The following NRXN3 variants were observed in gnomAD, a reference collection of about 807,000 sequenced individuals.
NRXN3 encodes the protein neurexin 3, also known as neurexin III.
A neutral mutation model predicts 137.6 loss-of-function variants in NRXN3; 32 were observed. That is an observed-to-expected ratio of 0.23 (90% CI 0.18 to 0.31). NRXN3 has a LOEUF of 0.31. NRXN3 is among the 10% of genes least tolerant of loss of function. The pLI is 1.00. For missense variants in NRXN3, 1,574 were observed against 2,062.5 expected, an observed-to-expected ratio of 0.76 and a Z score of 4.59; for synonymous variants, 798 against 784.5, an observed-to-expected ratio of 1.02 and a Z score of -0.29.
intron 3 of NRXN3, among the ~76,000 whole-genome samples, chr14:78,286,524 G>T (rs530512456): frequency 2.0e-5 from 3 of 152,262 alleles, no homozygotes; most frequent in African/African-American, 7.2e-5. Context: ...TTGTCAGTTT[G>T]CTAGGCTAGG....
At chr14:78,623,779 G>C (rs2097428397) in intron 4 of NRXN3, among the ~76,000 whole-genome samples, 1 of 152,112 alleles carries the variant, frequency 6.6e-6, no homozygotes, top group South Asian at 2.1e-4. Context: ...TGTTGGTCAG[G>C]CTGGTCTAAA....
chr14:79,713,121 C>T (rs1399975244), intron 19 of NRXN3, among the ~76,000 whole-genome samples: 1 of 148,970 alleles, frequency 6.7e-6, no homozygotes, highest in Admixed American at 6.7e-5. Context: ...CAGCTGTTGA[C>T]ATCACAGTTT....
At chr14:78,279,271 C>A (rs1372774441) in intron 3 of NRXN3, among the ~76,000 whole-genome samples, 1 of 152,088 alleles carries the variant, frequency 6.6e-6, no homozygotes, top group Non-Finnish European at 1.5e-5. Flanking sequence ...AATAATTATG[C>A]ATTTCTCTTT....
intron 10 of NRXN3, among the ~76,000 whole-genome samples, chr14:78,904,207 A>G (rs1452130796): frequency 2.0e-5 from 3 of 151,926 alleles, no homozygotes; most frequent in African/African-American, 7.2e-5. Flanking sequence ...ACCAGGGGCA[A>G]TTTTTCTTCT....
At chr14:79,152,470 T>G (rs1323445535) in intron 15 of NRXN3, among the ~76,000 whole-genome samples, 1 of 152,024 alleles carries the variant, frequency 6.6e-6, no homozygotes, top group Non-Finnish European at 1.5e-5. Flanking sequence ...TATATTAGTC[T>G]GTTCTCACAC....
intron 4 of NRXN3, among the ~76,000 whole-genome samples, chr14:78,351,955 C>G (rs1042462861): frequency 6.6e-6 from 1 of 151,582 alleles, no homozygotes; most frequent in Non-Finnish European, 1.5e-5. Flanking sequence ...GGTGTGTTGG[C>G]GAGCACCTGT....
chr14:79,675,947 G>C (rs1353192364), intron 17 of NRXN3, among the ~76,000 whole-genome samples: 1 of 151,994 alleles, frequency 6.6e-6, no homozygotes, highest in Non-Finnish European at 1.5e-5. Context: ...ATTTTGATTA[G>C]CCACCCTAGC....
Position 78,273,312 on chromosome 14 carries a change from T to G in NRXN3, c.710-5333T>G, listed in dbSNP as rs993975703. 3.3e-5 allele frequency among the ~76,000 whole-genome samples: 5 copies of G among 152,342 alleles called. No homozygotes were observed. The South Asian group carries it at 6.2e-4, about 19-fold the overall frequency. On this transcript the variant is annotated intron_variant, in intron 2 of 20. Coordinates refer to ENST00000335750, the MANE Select transcript of NRXN3 (RefSeq NM_001330195.2). ...AGTTTCCTTATCTGTAAAATGAGTG[T>G]GGTAATAGTTCCTACCTCATCGGGT...
intron 15 of NRXN3, among the ~76,000 whole-genome samples, chr14:79,374,785 A>G (rs1355404063): frequency 6.6e-6 from 1 of 152,146 alleles, no homozygotes; most frequent in Admixed American, 6.6e-5. Context: ...AATTTTACCT[A>G]CAATTCCTAT....
chr14:79,820,207 A>G (rs2099267252), intron 20 of NRXN3, among the ~76,000 whole-genome samples: 1 of 152,170 alleles, frequency 6.6e-6, no homozygotes, highest in East Asian at 1.9e-4. Context: ...TGGGAAAAAC[A>G]TTCTTGGTGA....
intron 1 of NRXN3, among the ~76,000 whole-genome samples, chr14:78,241,986 T>G (rs1185751699): frequency 5.3e-5 from 8 of 152,040 alleles, no homozygotes; most frequent in Non-Finnish European, 1.2e-4. Flanking sequence ...AAAGGAAAAA[T>G]CTAGAAAAAA....
intron 15 of NRXN3, among the ~76,000 whole-genome samples, chr14:79,167,880 C>T (rs2061420040): frequency 6.6e-6 from 1 of 151,368 alleles, no homozygotes; most frequent in Admixed American, 6.6e-5. Flanking sequence ...TCCTACCCTT[C>T]TCATATAGAT....
At chr14:78,679,959 C>T (rs2098056252) in intron 6 of NRXN3, among the ~76,000 whole-genome samples, 1 of 152,018 alleles carries the variant, frequency 6.6e-6, no homozygotes. Context: ...TTCTATTGCT[C>T]TTTGGTTTTG....
At chr14:79,357,577 G>A (rs781099144) in intron 15 of NRXN3, among the ~76,000 whole-genome samples, 3 of 152,186 alleles carry the variant, frequency 2.0e-5, no homozygotes, top group East Asian at 3.9e-4. Context: ...TCTTCCAGAA[G>A]GGCAGGCAAT....
intron 15 of NRXN3, among the ~76,000 whole-genome samples, chr14:79,290,126 A>G (rs570169482): frequency 6.6e-6 from 1 of 152,250 alleles, no homozygotes; most frequent in Non-Finnish European, 1.5e-5. Flanking sequence ...GAATTTGAAT[A>G]TAATTACACT....
At chr14:79,126,378 T>A (rs1318392212) in intron 15 of NRXN3, among the ~76,000 whole-genome samples, 5 of 129,800 alleles carry the variant, frequency 3.9e-5, no homozygotes, top group Non-Finnish European at 7.8e-5. Context: ...CCTGTGTCCA[T>A]GTGTTCTCAT....
At chr14:78,594,002 T>A (rs2097138953) in intron 4 of NRXN3, among the ~76,000 whole-genome samples, 3 of 152,142 alleles carry the variant, frequency 2.0e-5, no homozygotes, top group African/African-American at 7.2e-5. Flanking sequence ...ACCAGCTTTC[T>A]CCTTCCCCCA....
intron 16 of NRXN3, among the ~76,000 whole-genome samples, chr14:79,520,656 A>G (rs945768754): frequency 1.3e-5 from 2 of 152,280 alleles, no homozygotes; most frequent in East Asian, 3.9e-4. Context: ...TCCATGTTGT[A>G]TATGTGCCAC....
intron 1 of NRXN3, among the ~76,000 whole-genome samples, chr14:78,182,187 A>G (rs1178623800): frequency 6.6e-6 from 1 of 152,170 alleles, no homozygotes; most frequent in East Asian, 1.9e-4. Context: ...GGGCTTCACA[A>G]GTATCACCTC....
Sources: allele counts gnomAD v4.1 joint callset (sites outside exome capture counted in the v4.1 genomes callset), GRCh38; gene constraint gnomAD v4.1.1; transcripts MANE v1.5; gene names NCBI Gene and HGNC (gene_info 2026-07-23, HGNC 2026-07-21).